The following SPMIP2 variants were observed in gnomAD, a reference collection of about 807,000 sequenced individuals.
SPMIP2 encodes the protein protein SPMIP2.
the SPMIP2 span, among the ~76,000 whole-genome samples, chr4:159,025,743 T>C: frequency 6.6e-6 from 1 of 152,212 alleles, no homozygotes; most frequent in Non-Finnish European, 1.5e-5. Flanking sequence ...TCATATTATT[T>C]ACAGGTGCTT....
At chr4:158,894,411 ATCC>A in the SPMIP2 span, among the ~76,000 whole-genome samples, 1 of 152,072 alleles carries the variant, frequency 6.6e-6, no homozygotes, top group East Asian at 1.9e-4. Flanking sequence ...GGCTCAAGTG[ATCC>A]TCCTACCTCA....
chr4:159,058,097 T>C, the SPMIP2 span, among the ~76,000 whole-genome samples: 4 of 152,060 alleles, frequency 2.6e-5, no homozygotes, highest in East Asian at 3.9e-4. Flanking sequence ...TGGGCTGAAG[T>C]GATCCACCGT....
At chr4:158,920,913 A>T in the SPMIP2 span, among the ~76,000 whole-genome samples, 3 of 152,172 alleles carry the variant, frequency 2.0e-5, no homozygotes, top group Non-Finnish European at 4.4e-5. Flanking sequence ...AACCCTTAAT[A>T]AAAAACTTGC....
the SPMIP2 span, among the ~76,000 whole-genome samples, chr4:159,041,853 G>A: frequency 6.6e-6 from 1 of 152,138 alleles, no homozygotes; most frequent in African/African-American, 2.4e-5. Flanking sequence ...GCACAATAGT[G>A]TTATGACACA....
chr4:158,921,979 C>T, the SPMIP2 span, among the ~76,000 whole-genome samples: 2 of 149,670 alleles, frequency 1.3e-5, no homozygotes, highest in Admixed American at 1.4e-4. Context: ...GTTCCACCTC[C>T]TGGGTTCATG....
the SPMIP2 span, among the ~76,000 whole-genome samples, chr4:158,923,579 T>C: frequency 6.6e-6 from 1 of 152,202 alleles, no homozygotes; most frequent in African/African-American, 2.4e-5. Flanking sequence ...TACACTGTGA[T>C]CTATTGAACT....
the SPMIP2 span, among the ~76,000 whole-genome samples, chr4:159,020,026 AGGAAAATTGCTTGAACCTG>A: frequency 6.6e-5 from 10 of 152,116 alleles, no homozygotes; most frequent in Non-Finnish European, 1.5e-4. Context: ...AGGCTGAGGC[AGGAAAATTGCTTGAACCTG>A]GGAGTCGGAG....
At chr4:159,050,796 T>C in the SPMIP2 span, among the ~76,000 whole-genome samples, 2 of 130,224 alleles carry the variant, frequency 1.5e-5, no homozygotes, top group Non-Finnish European at 3.2e-5. Context: ...AACTCATCCG[T>C]TAAAAAAAAA....
chr4:158,923,290 A>C, the SPMIP2 span, among the ~76,000 whole-genome samples: 4 of 152,198 alleles, frequency 2.6e-5, no homozygotes, highest in Admixed American at 6.5e-5. Flanking sequence ...TTCTACAAAG[A>C]AGCCAGTTGA....
the SPMIP2 span, among the ~76,000 whole-genome samples, chr4:158,971,593 G>C: frequency 3.3e-5 from 5 of 152,170 alleles, no homozygotes; most frequent in African/African-American, 1.2e-4. Flanking sequence ...CTGGATGTCA[G>C]CCTGGTGCCA....
the SPMIP2 span, among the ~76,000 whole-genome samples, chr4:159,028,842 C>G: frequency 6.6e-6 from 1 of 152,016 alleles, no homozygotes; most frequent in Admixed American, 6.6e-5. Context: ...ACACCTGTAA[C>G]CCAGCACTTT....
the SPMIP2 span, among the ~76,000 whole-genome samples, chr4:159,063,532 A>G: frequency 6.6e-6 from 1 of 151,482 alleles, no homozygotes; most frequent in South Asian, 2.1e-4. Flanking sequence ...ACTGGGCAAC[A>G]GAGCAAAATC....
chr4:158,982,975 C>T, the SPMIP2 span, among the ~76,000 whole-genome samples: 871 of 152,130 alleles, frequency 5.7e-3, 5 homozygotes, highest in African/African-American at 0.015. Context: ...AAGGAGCTGA[C>T]GGAGCTGAAA....
chr4:158,908,977 T>A, the SPMIP2 span, among the ~76,000 whole-genome samples: 1 of 152,336 alleles, frequency 6.6e-6, no homozygotes, highest in African/African-American at 2.4e-5. Flanking sequence ...CGTGAGCCAC[T>A]GTGCCTGGCC....
the SPMIP2 span, among the ~76,000 whole-genome samples, chr4:159,043,579 C>T: frequency 6.6e-6 from 1 of 152,160 alleles, no homozygotes; most frequent in African/African-American, 2.4e-5. Flanking sequence ...AATCTCCTGA[C>T]CTCATGATCC....
At chr4:158,944,736 C>G in the SPMIP2 span, among the ~76,000 whole-genome samples, 1 of 152,162 alleles carries the variant, frequency 6.6e-6, no homozygotes, top group Non-Finnish European at 1.5e-5. Flanking sequence ...AATTTGGAGT[C>G]ATCACTGCCT....
the SPMIP2 span, among the ~76,000 whole-genome samples, chr4:158,920,728 G>C: frequency 6.6e-6 from 1 of 152,222 alleles, no homozygotes; most frequent in Non-Finnish European, 1.5e-5. Context: ...CTTATCAGTA[G>C]TTCTGCTTTT....
At chr4:159,059,319 AAT>A in the SPMIP2 span, among the ~76,000 whole-genome samples, 1 of 152,230 alleles carries the variant, frequency 6.6e-6, no homozygotes, top group Non-Finnish European at 1.5e-5. Context: ...AGAGTGATAA[AAT>A]ATGGAATCAA....
the SPMIP2 span, among the ~76,000 whole-genome samples, chr4:159,061,583 G>A: frequency 1.3e-5 from 2 of 152,194 alleles, no homozygotes; most frequent in South Asian, 2.1e-4. Context: ...CGAGGCAGGC[G>A]TATCACCTGA....
Sources: allele counts gnomAD v4.1 joint callset (sites outside exome capture counted in the v4.1 genomes callset), GRCh38; gene constraint gnomAD v4.1.1; transcripts MANE v1.5; gene names NCBI Gene and HGNC (gene_info 2026-07-23, HGNC 2026-07-21).